Variants in ENOX1 observed in about 807,000 individuals in gnomAD.
The protein encoded by ENOX1 is ecto-NOX disulfide-thiol exchanger 1, also known as candidate growth-related and time keeping constitutive hydroquinone (NADH) oxidase.
Under a neutral mutation model 82.5 loss-of-function variants are expected in ENOX1, and 42 were observed. That is an observed-to-expected ratio of 0.51 (90% confidence interval 0.40 to 0.66). The LOEUF (loss-of-function observed/expected upper bound fraction) is 0.66. Among genes scored for constraint, ENOX1 ranks in the 30% least tolerant of loss-of-function variants. ENOX1 has a pLI of 0.00. For synonymous variants in ENOX1, 271 were observed against 282.2 expected, an observed-to-expected ratio of 0.96 and a Z score of 0.40; for missense variants, 608 against 811.6, an observed-to-expected ratio of 0.75 and a Z score of 3.05.
intron 2 of ENOX1, among the ~76,000 whole-genome samples, chr13:43,552,471 TC>T (rs2079242997): frequency 6.6e-6 from 1 of 152,118 alleles, no homozygotes; most frequent in Non-Finnish European, 1.5e-5. Flanking sequence ...AATCTTAGGG[TC>T]AGAAGAAACC....
chr13:43,573,724 T>C (rs2080288055), intron 2 of ENOX1, among the ~76,000 whole-genome samples: 1 of 152,146 alleles, frequency 6.6e-6, no homozygotes, highest in South Asian at 2.1e-4. Flanking sequence ...TAACATTCCT[T>C]AAAGATTCAA....
At chr13:43,749,552 A>G (rs1359343095) in intron 1 of ENOX1, among the ~76,000 whole-genome samples, 1 of 152,226 alleles carries the variant, frequency 6.6e-6, no homozygotes. Context: ...CATCAGCATC[A>G]AGTAGCAAAG....
Position 43,570,329 on chromosome 13 carries a change from T to G in ENOX1, c.-218-86177A>C, listed in dbSNP as rs150806562. On this transcript the variant is annotated intron_variant, in intron 2 of 16. Transcript: ENST00000690772. ...CTGAGAGTCAGCAACACATAGGCAG[T>G]AGCGGAAGCCATAGATGCACATAGA... Among the ~76,000 whole-genome samples, 390 of 152,194 alleles carry G rather than the reference T, an allele frequency of 2.6e-3. 3 individuals are homozygous for G. The highest frequency in any genetic ancestry group is 9.0e-3 in the African/African-American group (375 of 41,528).
At chr13:43,465,981 A>G (rs897533929) in intron 3 of ENOX1, among the ~76,000 whole-genome samples, 1 of 152,136 alleles carries the variant, frequency 6.6e-6, no homozygotes, top group Non-Finnish European at 1.5e-5. Context: ...CATCACTCCA[A>G]TTGCTCTGTT....
rs149297631 is a variant in ENOX1, at chr13:43,539,527, A to G, written c.-218-55375T>C. Reference sequence around the variant, plus strand: ...TTATTGTTACTGTCTTGTAGCTTAAATAAATTATGATCAACTTTTAATTAT... The same window carrying G: ...TTATTGTTACTGTCTTGTAGCTTAAGTAAATTATGATCAACTTTTAATTAT... On this transcript the variant is annotated intron_variant, in intron 2 of 16. Transcript: ENST00000690772. Among the ~76,000 whole-genome samples, 423 of 152,306 alleles carry G rather than the reference A, an allele frequency of 2.8e-3. 1 individual carries two copies. Among genetic ancestry groups the G allele is most frequent in the African/African-American group, 9.8e-3 (407 of 41,572 alleles).
chr13:43,455,239 G>A (rs1473142329), intron 3 of ENOX1, among the ~76,000 whole-genome samples: 1 of 152,062 alleles, frequency 6.6e-6, no homozygotes, highest in East Asian at 1.9e-4. Flanking sequence ...ATAATGTTTA[G>A]GCTGTACTTC....
chr13:43,525,931 T>A (rs2077970945), intron 2 of ENOX1, among the ~76,000 whole-genome samples: 1 of 152,098 alleles, frequency 6.6e-6, no homozygotes, highest in Non-Finnish European at 1.5e-5. Context: ...TCCAGTGGGG[T>A]TACTAAATAA....
rs553504525 is a variant in ENOX1, at chr13:43,541,173, G to GTTTTTTTTTTTTTTTTTTTTT, written c.-218-57042_-218-57022dup. ...CTCCAACCTTACACTTCTTCCCTCT[G>GTTTTTTTTTTTTTTTTTTTTT]TTTTTTTTTTTTTTTTTTTTTTTTT... On this transcript the variant is annotated intron_variant, in intron 2 of 16. Transcript: ENST00000690772. Among the ~76,000 whole-genome samples, 26 of 64,574 alleles carry GTTTTTTTTTTTTTTTTTTTTT rather than the reference G, an allele frequency of 4.0e-4. 8 individuals carry two copies. Among genetic ancestry groups the GTTTTTTTTTTTTTTTTTTTTT allele is most frequent in the East Asian group, 1.0e-3 (2 of 1,910 alleles). The allele number at this position is 64,574 out of a possible 152,430, so 42.4% of individuals were successfully genotyped here.
intron 2 of ENOX1, among the ~76,000 whole-genome samples, chr13:43,580,322 T>A (rs941912351): frequency 3.9e-5 from 6 of 152,146 alleles, no homozygotes; most frequent in Non-Finnish European, 8.8e-5. Context: ...CCATTTGGGG[T>A]TTTTTTGTAA....
intron 2 of ENOX1, among the ~76,000 whole-genome samples, chr13:43,624,306 A>G (rs1443091746): frequency 6.6e-6 from 1 of 152,100 alleles, no homozygotes; most frequent in African/African-American, 2.4e-5. Flanking sequence ...AGTTCTTTAT[A>G]TATTCTAGGG....
chr13:43,434,937 G>GTTTTTTTTTTTTTTTTTTTTTTTTTTTT (rs537775258), intron 3 of ENOX1, among the ~76,000 whole-genome samples: 1 of 75,906 alleles, frequency 1.3e-5, no homozygotes, highest in Non-Finnish European at 2.5e-5. Flanking sequence ...TGTGTGTGTG[G>GTTTTTTTTTTTTTTTTTTTTTTTTTTTT]TTTTTTTTTT....
At chr13:43,377,652 G>A (rs763562677) in intron 5 of ENOX1, among the ~76,000 whole-genome samples, 4 of 152,176 alleles carry the variant, frequency 2.6e-5, no homozygotes, top group South Asian at 2.1e-4. Context: ...TATTATAGGC[G>A]CCAGGCAAGG....
rs533353324 is a variant in ENOX1 at position 43,343,965 on chromosome 13, A to G, written c.1036+573T>C. 7.9e-5 allele frequency among the ~76,000 whole-genome samples: 12 copies of G among 152,252 alleles called. 1 individual carries two copies. The highest frequency in any genetic ancestry group is 5.2e-4 in the Admixed American group (8 of 15,304). On this transcript the variant is annotated intron_variant, in intron 9 of 16. Transcript: ENST00000690772. Reference sequence around the variant, plus strand: ...CCCCTTCATCATTTAGACTCTGGACATAAAAAAAAAATCACTGGCATTGAG... The same window carrying G: ...CCCCTTCATCATTTAGACTCTGGACGTAAAAAAAAAATCACTGGCATTGAG...
chr13:43,414,013 A>G (rs1189787921), intron 3 of ENOX1, among the ~76,000 whole-genome samples: 2 of 152,104 alleles, frequency 1.3e-5, no homozygotes, highest in African/African-American at 4.8e-5. Flanking sequence ...TTTCTAAACC[A>G]TGTTCCTGTT....
intron 2 of ENOX1, among the ~76,000 whole-genome samples, chr13:43,646,575 AT>A (rs1201928659): frequency 6.6e-6 from 1 of 152,194 alleles, no homozygotes; most frequent in Non-Finnish European, 1.5e-5. Context: ...GGTTATTAGA[AT>A]CGTCATCTGT....
chr13:43,318,423 G>A (rs1406775072), intron 11 of ENOX1, among the ~76,000 whole-genome samples: 2 of 152,076 alleles, frequency 1.3e-5, no homozygotes, highest in African/African-American at 4.8e-5. Flanking sequence ...GTGTGCCCTG[G>A]GTCCACAGCA....
chr13:43,304,998 G>A (rs1924634), intron 11 of ENOX1, among the ~76,000 whole-genome samples: 43,117 of 151,986 alleles, frequency 0.28, 8,104 homozygotes, highest in Middle Eastern at 0.42. Context: ...CATGAACTCT[G>A]TCCCCTGAGT....
At chr13:43,713,545 G>C (rs1209405132) in intron 1 of ENOX1, among the ~76,000 whole-genome samples, 9 of 152,114 alleles carry the variant, frequency 5.9e-5, no homozygotes, top group African/African-American at 1.9e-4. Context: ...TCTGGTCCTG[G>C]ACTCTTTTTG....
At chr13:43,615,208 A>G (rs2082356618) in intron 2 of ENOX1, among the ~76,000 whole-genome samples, 1 of 152,236 alleles carries the variant, frequency 6.6e-6, no homozygotes, top group Non-Finnish European at 1.5e-5. Flanking sequence ...CTTCAGCAGT[A>G]AGGCTTAAAT....
Sources: gnomAD v4.1 joint callset for allele counts (sites outside exome capture counted in the v4.1 genomes callset) on GRCh38, gnomAD v4.1.1 for gene constraint, MANE v1.5 for transcripts, NCBI Gene and HGNC (gene_info 2026-07-23, HGNC 2026-07-21) for gene names.